The following RGS4 variants were observed in gnomAD, a reference collection of about 807,000 sequenced individuals.
The protein encoded by RGS4 is regulator of G protein signaling 4.
In RGS4, 15 loss-of-function variants were observed where a neutral mutation model predicts 21.6. The ratio of observed to expected loss-of-function variants is 0.69; its 90% CI spans 0.46 to 1.07. RGS4 has a LOEUF of 1.07. Among genes scored for constraint, RGS4 ranks in the 50% least tolerant of loss-of-function variants. The pLI is 0.00. For synonymous variants in RGS4, 94 were observed against 85.5 expected (o/e 1.10, Z -0.55); for missense variants, 237 against 239.0 (o/e 0.99, Z 0.06).
chr1:163,069,825 T>C (rs1655244984), intron 1 of RGS4, among the ~76,000 whole-genome samples: 1 of 152,160 alleles, frequency 6.6e-6, no homozygotes. Context: ...TTTGAGGCTA[T>C]GTACAGTGAT....
rs557058359 is a variant in RGS4 at position 163,072,415 on chromosome 1, G to A, written c.65G>A (p.Arg22Gln). The A allele has an allele frequency of 8.7e-6, 14 of 1,612,494 alleles. No homozygotes were observed. In the South Asian group the frequency reaches 1.1e-4, roughly 13 times the overall value. The change falls in exon 2 of 5, where the codon CGG becomes CAG. Residue 22 changes from arginine (R) to glutamine (Q), a missense_variant. Arg to Gln is a conservative substitution (Grantham distance 43). Coordinates refer to ENST00000367909, the MANE Select transcript of RGS4 (RefSeq NM_005613.6). ...TGCAGTGCAAAAGATATGAAACATC[G>A]GCTAGGTTTCCTGCTGCAAAAATCT... ...CLRSAKDMKH[R>Q]LGFLLQKSDS...
At chr1:163,072,717 C>A in intron 2 of RGS4, 88 bp from the exon 3 acceptor site, 17 of 1,164,980 alleles carry the variant, frequency 1.5e-5, no homozygotes, top group South Asian at 2.7e-5. Flanking sequence ...AAAATAAAAT[C>A]TTTGCCTTCA....
chr1:163,071,007 T>C (rs569132371), intron 1 of RGS4, among the ~76,000 whole-genome samples: 2 of 152,170 alleles, frequency 1.3e-5, no homozygotes, highest in Non-Finnish European at 2.9e-5. Context: ...ATTTTTATGG[T>C]TTTATTATAA....
At chr1:163,071,854 T>TCCCCCCCC (rs1655315613) in intron 1 of RGS4, 1 of 2,086 alleles carries the variant, frequency 4.8e-4, no homozygotes, top group Admixed American at 4.3e-3. Context: ...AGGAACTGCT[T>TCCCCCCCC]GCCCCCCCCC....
intron 2 of RGS4, 122 bp from the exon 3 acceptor site, chr1:163,072,683 T>C (rs1220384159): frequency 1.1e-6 from 1 of 914,758 alleles, no homozygotes; most frequent in African/African-American, 1.7e-5. Context: ...CCCTCATCAA[T>C]AACATATTTT....
rs1035901395 is a variant in RGS4 at position 163,075,025 on chromosome 1, A to G, written c.*465A>G. ...GTGTATGTCTATGTGTATATATTAT[A>G]TATACATTAGACACACATATACATT... is the stretch of plus-strand genomic sequence containing the variant. On this transcript the variant is annotated 3_prime_UTR_variant, in exon 5 of 5. Transcript: ENST00000367909. 6.7e-6 allele frequency: 2 copies of G among 297,690 alleles called. No homozygotes were observed. The highest frequency in any genetic ancestry group is 9.7e-5 in the Admixed American group (2 of 20,680). The allele number at this position is 297,690 out of a possible 1,614,324, so 18.4% of individuals were successfully genotyped here. A position where few individuals can be genotyped will look rare whatever the true frequency, so the allele number is the denominator to read the frequency against.
Position 163,076,066 on chromosome 1 carries a change from T to C in RGS4, c.*1506T>C, listed in dbSNP as rs1256349821. ...CATTTATGTTATTTATGATGTTATT[T>C]TGTACGTGTTATTATTATTATATTG... On this transcript the variant is annotated 3_prime_UTR_variant, in exon 5 of 5. Transcript: ENST00000367909. 6.6e-6 allele frequency: 1 copy of C among 152,604 alleles called. No homozygotes were observed. Among genetic ancestry groups the C allele is most frequent in the African/African-American group, 2.4e-5 (1 of 41,448 alleles). The allele number at this position is 152,604 out of a possible 1,614,324, so 9.5% of individuals were successfully genotyped here.
intron 1 of RGS4, chr1:163,072,186 G>C (rs549682890): frequency 9.5e-7 from 1 of 1,057,222 alleles, no homozygotes; most frequent in East Asian, 3.2e-5. Flanking sequence ...TGAAGGAAAT[G>C]GTGTTATGAC....
chr1:163,072,549 G>A (rs779699408), intron 2 of RGS4, 50 bp downstream of exon 2: 7 of 1,309,922 alleles, frequency 5.3e-6, no homozygotes, highest in Non-Finnish European at 7.7e-6. Flanking sequence ...ACTATCTGAT[G>A]ATGGGGATGT....
chr1:163,070,868 C>T (rs929530071), intron 1 of RGS4: 3 of 152,154 alleles, frequency 2.0e-5, no homozygotes, highest in African/African-American at 7.2e-5. Flanking sequence ...TCTAGTCCAA[C>T]ATCTTTACCA....
intron 1 of RGS4, chr1:163,072,014 A>C: frequency 1.0e-6 from 1 of 991,996 alleles, no homozygotes; most frequent in African/African-American, 1.7e-5. Flanking sequence ...TTTTGCCGCT[A>C]CTGCTTTCTG....
In RGS4 at chr1:163,074,691, G is replaced by A; in HGVS notation, c.*131G>A. The A allele has an allele frequency of 1.5e-6, 2 of 1,312,696 alleles. No homozygotes were observed. The highest frequency in any genetic ancestry group is 2.2e-6 in the Non-Finnish European group (2 of 917,084). 81.3% of individuals were successfully genotyped at this position (1,312,696 alleles called of 1,614,324 possible). A position where few individuals can be genotyped will look rare whatever the true frequency, so the allele number is the denominator to read the frequency against. ...GCCTAATATTCATGCTGCCTGCCAT[G>A]TGTGAGTCACTTCTACGCATAAACT... On this transcript the variant is annotated 3_prime_UTR_variant, in exon 5 of 5. Coordinates refer to ENST00000367909, the MANE Select transcript of RGS4 (RefSeq NM_005613.6).
Position 163,076,561 on chromosome 1 carries a change from G to T in RGS4, c.*2001G>T, listed in dbSNP as rs10759. Reference sequence around the variant, plus strand: ...CTTACTAATAGGTCTGGAAGGTCACGCTGAATGAGAAGTAAATTATTTTAT... The same window carrying T: ...CTTACTAATAGGTCTGGAAGGTCACTCTGAATGAGAAGTAAATTATTTTAT... On this transcript the variant is annotated 3_prime_UTR_variant, in exon 5 of 5. Transcript: ENST00000367909. 40,800 of 152,428 alleles carry T rather than the reference G, an allele frequency of 0.27. 5,963 individuals carry two copies. The highest frequency in any genetic ancestry group is 0.41 in the East Asian group (2,119 of 5,150). The allele number at this position is 152,428 out of a possible 1,614,324, so 9.4% of individuals were successfully genotyped here.
chr1:163,074,311 T>C lies in RGS4; in HGVS notation c.379-10T>C. 1 of 1,613,558 alleles carries C rather than the reference T, an allele frequency of 6.2e-7. No homozygotes were observed. Among genetic ancestry groups the C allele is most frequent in the South Asian group, 1.1e-5 (1 of 91,056 alleles). On this transcript the variant is annotated splice_polypyrimidine_tract_variant and intron_variant, in intron 4 of 4. Transcript: ENST00000367909. ...ATAGGTCTAATGAAGCCTTGGCCTT[T>C]GCCCCTCAGGTGAACCTGGATTCTT...
At position 163,074,708 on chromosome 1, in the gene RGS4, G is replaced by A. The variant is rs531729918; in HGVS notation, c.*148G>A. ...CCTGCCATGTGTGAGTCACTTCTAC[G>A]CATAAACTAGATATAGCTTTTGGTG... On this transcript the variant is annotated 3_prime_UTR_variant, in exon 5 of 5. Transcript: ENST00000367909. 1,347 of 1,121,440 alleles carry A rather than the reference G, an allele frequency of 1.2e-3. 2 individuals are homozygous for A. Among genetic ancestry groups the A allele is most frequent in the Non-Finnish European group, 1.4e-3 (1,089 of 753,164 alleles). 69.5% of individuals were successfully genotyped at this position (1,121,440 alleles called of 1,614,324 possible). A position where few individuals can be genotyped will look rare whatever the true frequency, so the allele number is the denominator to read the frequency against.
In RGS4 at chr1:163,074,474, G is replaced by T. The variant is rs1557860297; in HGVS notation, c.532G>T (p.Val178Phe). 6.2e-7 allele frequency: 1 copy of T among 1,613,830 alleles called. No individual in the cohort carries two copies. The highest frequency in any genetic ancestry group is 8.5e-7 in the Non-Finnish European group (1 of 1,179,836). The change falls in exon 5 of 5, where the codon GTC becomes TTC. Residue 178 changes from valine to phenylalanine, a missense_variant. By Grantham distance (50) the Val-to-Phe change is conservative (BLOSUM62 -1). Coordinates refer to ENST00000367909, the MANE Select transcript of RGS4 (RefSeq NM_005613.6). ...CAAGTCTCGATTCTATCTTGATTTG[G>T]TCAACCCGTCCAGCTGTGGGGCAGA... Reference protein sequence around the residue: ...FLKSRFYLDLVNPSSCGAEKQ... With the variant: ...FLKSRFYLDLFNPSSCGAEKQ...
Position 163,072,513 on chromosome 1 carries a change from C to T in RGS4, c.149+14C>T, listed in dbSNP as rs757463473. The T allele has an allele frequency of 2.6e-6, 4 of 1,538,250 alleles. No homozygotes were observed. In the Admixed American group the frequency reaches 5.0e-5, roughly 19 times the overall value. Reference sequence around the variant, plus strand: ...TATTTGCCAGAGGTAAGAGAAAAGGCCTTGGTGAAGATGTACTTAGTATTA... The same window carrying T: ...TATTTGCCAGAGGTAAGAGAAAAGGTCTTGGTGAAGATGTACTTAGTATTA... On this transcript the variant is annotated intron_variant, in intron 2 of 4. Coordinates refer to ENST00000367909, the MANE Select transcript of RGS4 (RefSeq NM_005613.6).
In RGS4 at chr1:163,072,175, A is replaced by T. The variant is rs1055607600; in HGVS notation, c.45-220A>T. Reference sequence around the variant, plus strand: ...TGAAGGGTCAGAATTCCAGTTGTGGATGAAGGAAATGGTGTTATGACTGCC... The same window carrying T: ...TGAAGGGTCAGAATTCCAGTTGTGGTTGAAGGAAATGGTGTTATGACTGCC... On this transcript the variant is annotated intron_variant, in intron 1 of 4. Coordinates refer to ENST00000367909, the MANE Select transcript of RGS4 (RefSeq NM_005613.6). 29 of 1,072,432 alleles carry T rather than the reference A, an allele frequency of 2.7e-5. No individual in the cohort carries two copies. The African/African-American group carries it at 4.6e-4, about 17-fold the overall frequency. The allele number at this position is 1,072,432 out of a possible 1,614,324, so 66.4% of individuals were successfully genotyped here.
chr1:163,068,883 C>A (rs1282062171), upstream of RGS4: 1 of 1,259,256 alleles, frequency 7.9e-7, no homozygotes, highest in Non-Finnish European at 1.1e-6. Context: ...TGCGTGGAGA[C>A]GATGATCCTG....
Sources: gnomAD v4.1 joint callset for allele counts (sites outside exome capture counted in the v4.1 genomes callset) on GRCh38, gnomAD v4.1.1 for gene constraint, MANE v1.5 for transcripts, NCBI Gene and HGNC (gene_info 2026-07-23, HGNC 2026-07-21) for gene names.